SUFU: variants seen among roughly 807,000 people sequenced by gnomAD.
SUFU encodes the protein SUFU negative regulator of hedgehog signaling.
SUFU carries 7 observed loss-of-function variants against 58.9 expected under a neutral mutation model. That is an observed-to-expected ratio of 0.12 (90% CI 0.07 to 0.22). The LOEUF (loss-of-function observed/expected upper bound fraction) is 0.22. Ranked by LOEUF, SUFU falls within the 10% of genes least tolerant of loss-of-function variation. The pLI is 1.00. For synonymous variants in SUFU, 232 were observed against 254.8 expected, an observed-to-expected ratio of 0.91 and a Z score of 0.85; for missense variants, 451 against 641.3, an observed-to-expected ratio of 0.70 and a Z score of 3.20.
intron 2 of SUFU, among the ~76,000 whole-genome samples, chr10:102,520,212 C>CTTTTTTTTTTTTTT (rs36020604): frequency 8.8e-6 from 1 of 113,554 alleles, no homozygotes; most frequent in Non-Finnish European, 1.8e-5. Context: ...TTTTTTCTTT[C>CTTTTTTTTTTTTTT]TTTTTTTTTT....
intron 6 of SUFU, among the ~76,000 whole-genome samples, chr10:102,596,283 C>T (rs993017270): frequency 1.3e-5 from 2 of 152,212 alleles, no homozygotes; most frequent in African/African-American, 4.8e-5. Context: ...TGCTCAGTCA[C>T]AAGCTTGATT....
intron 3 of SUFU, among the ~76,000 whole-genome samples, chr10:102,580,992 G>A (rs992106287): frequency 6.6e-6 from 1 of 151,746 alleles, no homozygotes; most frequent in Non-Finnish European, 1.5e-5. Context: ...GACTAGCCTG[G>A]CCAACATGGC....
upstream of SUFU, among the ~76,000 whole-genome samples, chr10:102,503,465 T>C (rs2062276090): frequency 6.6e-6 from 1 of 152,118 alleles, no homozygotes; most frequent in African/African-American, 2.4e-5. Context: ...GTTGAGAAAA[T>C]GGAGGTGAAG....
chr10:102,552,746 G>A (rs1171979136), intron 3 of SUFU, among the ~76,000 whole-genome samples: 1 of 152,186 alleles, frequency 6.6e-6, no homozygotes, highest in African/African-American at 2.4e-5. Flanking sequence ...AGGACCTGAT[G>A]TCTTTAACTT....
rs2063823053 is a variant in SUFU, at chr10:102,629,975, C to T, written c.1366-91C>T. ...CCCGCGGCCTGTCCTATCCCTAGCT[C>T]CCCGGGGACAGGCCTGGGCAATCTC... is the stretch of plus-strand genomic sequence containing the variant. On this transcript the variant is annotated intron_variant, in intron 11 of 11. Coordinates refer to ENST00000369902, the MANE Select transcript of SUFU (RefSeq NM_016169.4). This position sits in a 1 kb window ranked among gnomAD's most constrained non-coding sequence, Gnocchi z 4.7. 8.3e-7 allele frequency: 1 copy of T among 1,208,666 alleles called. No homozygotes were observed. The highest frequency in any genetic ancestry group is 1.2e-6 in the Non-Finnish European group (1 of 810,346). 74.9% of individuals were successfully genotyped at this position (1,208,666 alleles called of 1,614,324 possible). A position where few individuals can be genotyped will look rare whatever the true frequency, so the allele number is the denominator to read the frequency against.
chr10:102,562,112 A>G (rs1341093732), intron 3 of SUFU, among the ~76,000 whole-genome samples: 4 of 152,322 alleles, frequency 2.6e-5, no homozygotes, highest in Non-Finnish European at 5.9e-5. Flanking sequence ...ACAGCAAGTC[A>G]TGTTTTACAT....
chr10:102,612,169 T>TTGTGTGTG lies in SUFU; in HGVS notation c.1023-3066_1023-3059dup, dbSNP rs34032732. On this transcript the variant is annotated intron_variant, in intron 8 of 11. Coordinates refer to ENST00000369902, the MANE Select transcript of SUFU (RefSeq NM_016169.4). ...AACAAATCAGCAGAAAACTGGGTTC[T>TTGTGTGTG]TGTGTGTGTGTGTGTGTGTGTGTGT... 1.7e-3 allele frequency among the ~76,000 whole-genome samples: 248 copies of TTGTGTGTG among 148,318 alleles called. 1 individual carries two copies. The highest frequency in any genetic ancestry group is 9.3e-3 in the South Asian group (43 of 4,626).
chr10:102,536,661 C>G (rs79159857), intron 2 of SUFU, among the ~76,000 whole-genome samples: 12,863 of 152,116 alleles, frequency 0.085, 716 homozygotes, highest in East Asian at 0.15. Flanking sequence ...CATGCCTGGC[C>G]TGCATTTTCT....
chr10:102,528,251 G>C (rs1385264077), intron 2 of SUFU, among the ~76,000 whole-genome samples: 2 of 152,086 alleles, frequency 1.3e-5, no homozygotes, highest in African/African-American at 2.4e-5. Context: ...GAAAGGGTCT[G>C]GTGCCCTTGG....
At chr10:102,517,088 A>C (rs2062480175) in intron 2 of SUFU, among the ~76,000 whole-genome samples, 1 of 146,304 alleles carries the variant, frequency 6.8e-6, no homozygotes. Context: ...GCATCATTGC[A>C]CTCTAGCCTG....
In SUFU at chr10:102,628,339, C is replaced by T. The variant is rs1211172345; in HGVS notation, c.1365+1096C>T. ...CAGAGCCAGGGTCACCTCAATAGAG[C>T]AGGGTCTCCTCTGTCCTCTGGGATG... On this transcript the variant is annotated intron_variant, in intron 11 of 11. Transcript: ENST00000369902. This position sits in a 1 kb window ranked among gnomAD's most constrained non-coding sequence, Gnocchi z 4.5. Among the ~76,000 whole-genome samples the T allele has an allele frequency of 6.6e-6, 1 of 152,212 alleles. No homozygotes were observed. Among genetic ancestry groups the T allele is most frequent in the Non-Finnish European group, 1.5e-5 (1 of 68,026 alleles).
intron 3 of SUFU, among the ~76,000 whole-genome samples, chr10:102,576,262 C>A (rs1430062182): frequency 6.6e-6 from 1 of 152,122 alleles, no homozygotes; most frequent in Non-Finnish European, 1.5e-5. Flanking sequence ...TGCGTCCTTG[C>A]AGCTTGCCAG....
At chr10:102,589,642 C>T (rs944265866) in intron 3 of SUFU, among the ~76,000 whole-genome samples, 1 of 151,664 alleles carries the variant, frequency 6.6e-6, no homozygotes, top group Non-Finnish European at 1.5e-5. Flanking sequence ...GACAGGGTTT[C>T]ACCATATTGG....
intron 2 of SUFU, among the ~76,000 whole-genome samples, chr10:102,515,064 G>A (rs2062449802): frequency 6.6e-6 from 1 of 152,216 alleles, no homozygotes; most frequent in Non-Finnish European, 1.5e-5. Context: ...GTCCAGTGGA[G>A]TTTGGAGCAG....
chr10:102,629,681 C>T lies in SUFU; in HGVS notation c.1366-385C>T, dbSNP rs2063819538. 6.6e-6 allele frequency among the ~76,000 whole-genome samples: 1 copy of T among 152,194 alleles called. No homozygotes were observed. Among genetic ancestry groups the T allele is most frequent in the Non-Finnish European group, 1.5e-5 (1 of 68,030 alleles). ...GCCATGGCAGTGACAGAGCTCAGGC[C>T]ACTTCCCCATAGCCTCCAGACCCTC... On this transcript the variant is annotated intron_variant, in intron 11 of 11. Transcript: ENST00000369902. The surrounding 1 kb of genome is among the most constrained non-coding windows in gnomAD (Gnocchi z 4.7).
At chr10:102,569,611 C>T (rs1056639793) in intron 3 of SUFU, among the ~76,000 whole-genome samples, 1 of 152,184 alleles carries the variant, frequency 6.6e-6, no homozygotes, top group South Asian at 2.1e-4. Flanking sequence ...AATCAAATCA[C>T]CCAAAATTGG....
intron 1 of SUFU, among the ~76,000 whole-genome samples, chr10:102,507,641 G>A (rs982808190): frequency 2.6e-5 from 4 of 152,226 alleles, no homozygotes; most frequent in African/African-American, 9.6e-5. Flanking sequence ...TATCCACAAA[G>A]GCAAATAATA....
At chr10:102,576,574 C>T (rs1229004671) in intron 3 of SUFU, among the ~76,000 whole-genome samples, 2 of 152,128 alleles carry the variant, frequency 1.3e-5, no homozygotes, top group Non-Finnish European at 2.9e-5. Context: ...CTCCTTGTGA[C>T]ATGTTTTGCT....
chr10:102,543,777 T>C (rs1019629612), intron 2 of SUFU, among the ~76,000 whole-genome samples: 4 of 152,232 alleles, frequency 2.6e-5, no homozygotes, highest in Non-Finnish European at 5.9e-5. Context: ...GTAAGTGATA[T>C]AATGCTTATA....
Sources: gnomAD v4.1 joint callset for allele counts (sites outside exome capture counted in the v4.1 genomes callset) on GRCh38, gnomAD v4.1.1 for gene constraint, Gnocchi (gnomAD v3.1) non-coding constraint, MANE v1.5 for transcripts, NCBI Gene and HGNC (gene_info 2026-07-23, HGNC 2026-07-21) for gene names.